The following VPS35L variants were observed in gnomAD, a reference collection of about 807,000 sequenced individuals.
VPS35L encodes the protein VPS35 endosomal protein sorting factor like.
In VPS35L, 83 loss-of-function variants were observed where a neutral mutation model predicts 133.0. The ratio of observed to expected loss-of-function variants is 0.62; its 90% CI spans 0.52 to 0.75. VPS35L has a LOEUF of 0.75. Among genes scored for constraint, VPS35L ranks in the 30% least tolerant of loss-of-function variants. The pLI, the probability that VPS35L is intolerant of heterozygous loss-of-function variation, is 0.00. For synonymous variants in VPS35L, 423 were observed against 449.9 expected, an observed-to-expected ratio of 0.94 and a Z score of 0.76; for missense variants, 1,083 against 1,206.8, an observed-to-expected ratio of 0.90 and a Z score of 1.52.
intron 30 of VPS35L, among the ~76,000 whole-genome samples, chr16:19,700,109 C>T (rs1194095831): frequency 6.6e-6 from 1 of 152,162 alleles, no homozygotes; most frequent in African/African-American, 2.4e-5. Context: ...AAACAAAGAA[C>T]AAAAGCATAG....
chr16:19,624,641 T>C (rs983909955), intron 14 of VPS35L, among the ~76,000 whole-genome samples: 1 of 151,824 alleles, frequency 6.6e-6, no homozygotes, highest in Non-Finnish European at 1.5e-5. Context: ...AGATGGGATC[T>C]CACTATATTG....
intron 2 of VPS35L, 69 bp from the exon 3 acceptor site, chr16:19,569,355 A>G: frequency 6.5e-7 from 1 of 1,539,346 alleles, no homozygotes; most frequent in Non-Finnish European, 9.0e-7. Context: ...GGAGGAAAGT[A>G]CCCACTGGAG....
At chr16:19,671,669 A>G (rs1427702841) in intron 27 of VPS35L, among the ~76,000 whole-genome samples, 2 of 148,032 alleles carry the variant, frequency 1.4e-5, no homozygotes, top group Non-Finnish European at 3.0e-5. Flanking sequence ...CTCAGCTACC[A>G]GGGAGGCTGC....
At chr16:19,565,570 C>T (rs914198024) in intron 2 of VPS35L, among the ~76,000 whole-genome samples, 1 of 152,198 alleles carries the variant, frequency 6.6e-6, no homozygotes, top group African/African-American at 2.4e-5. Context: ...CCAGGCTGGT[C>T]TCGAACCCTT....
At position 19,581,582 on chromosome 16, in the gene VPS35L, G is replaced by A; in HGVS notation, c.568G>A (p.Glu190Lys). The change falls in exon 7 of 31, where the codon GAG becomes AAG. Residue 190 changes from glutamate to lysine, a missense_variant. Transcript: ENST00000417362. ...GCAGGATTACGTGAACCGCATAGAG[G>A]AGCTCAACCAATCGCTGAAGGATGC... is the stretch of plus-strand genomic sequence containing the variant. ...TQQDYVNRIE[E>K]LNQSLKDAWA... 6.2e-7 allele frequency: 1 copy of A among 1,614,026 alleles called. No individual in the cohort carries two copies. The highest frequency in any genetic ancestry group is 2.2e-5 in the East Asian group (1 of 44,870).
At chr16:19,580,953 C>T (rs555241107) in intron 6 of VPS35L, among the ~76,000 whole-genome samples, 14 of 152,202 alleles carry the variant, frequency 9.2e-5, no homozygotes, top group South Asian at 8.3e-4. Flanking sequence ...GAAACAGTTG[C>T]GCTTTTTTCA....
intron 3 of VPS35L, among the ~76,000 whole-genome samples, chr16:19,571,364 G>A (rs757075159): frequency 9.2e-5 from 14 of 151,910 alleles, no homozygotes; most frequent in Non-Finnish European, 1.8e-4. Context: ...CTTCAGGTGT[G>A]TGCCACCGCA....
intron 2 of VPS35L, chr16:19,569,192 A>G (rs1299435355): frequency 1.5e-6 from 1 of 684,404 alleles, no homozygotes; most frequent in Non-Finnish European, 2.7e-6. Context: ...CCTCTCAATT[A>G]ATTTTTTTAA....
intron 25 of VPS35L, among the ~76,000 whole-genome samples, chr16:19,651,739 C>T (rs72767590): frequency 0.093 from 14,111 of 152,146 alleles, 837 homozygotes; most frequent in Non-Finnish European, 0.12. Context: ...TACGTATTTA[C>T]TTCCCGTGAT....
chr16:19,691,686 C>T (rs956921199), intron 29 of VPS35L, among the ~76,000 whole-genome samples: 4 of 152,126 alleles, frequency 2.6e-5, no homozygotes, highest in Non-Finnish European at 5.9e-5. Flanking sequence ...TGTTCCTTCT[C>T]GTCATTGAAA....
Position 19,584,535 on chromosome 16 carries a change from G to A in VPS35L, c.639+2882G>A, listed in dbSNP as rs1055949799. On this transcript the variant is annotated intron_variant, in intron 7 of 30. Transcript: ENST00000417362. ...TCAGCTACTTGGGAAGCTGAGGCAG[G>A]AGAATCGCTTGAACCCAGGAGGCAG... 3.3e-5 allele frequency among the ~76,000 whole-genome samples: 5 copies of A among 151,004 alleles called. No individual in the cohort carries two copies. In the Admixed American group the frequency reaches 3.3e-4, roughly 10 times the overall value.
chr16:19,633,545 C>T lies in VPS35L; in HGVS notation c.1635+373C>T, dbSNP rs1973525744. 6.6e-6 allele frequency among the ~76,000 whole-genome samples: 1 copy of T among 152,120 alleles called. No individual in the cohort carries two copies. Among genetic ancestry groups the T allele is most frequent in the Non-Finnish European group, 1.5e-5 (1 of 68,028 alleles). Reference sequence around the variant, plus strand: ...TTTTCCTTTTTTTTTGAAACAGGGTCTCGCTCAGTCACGGAGGCTGGAGTG... The same window carrying T: ...TTTTCCTTTTTTTTTGAAACAGGGTTTCGCTCAGTCACGGAGGCTGGAGTG... On this transcript the variant is annotated intron_variant, in intron 19 of 30. Coordinates refer to ENST00000417362, the MANE Select transcript of VPS35L (RefSeq NM_020314.7). The surrounding 1 kb of genome is among the most constrained non-coding windows in gnomAD (Gnocchi z 4.1).
intron 14 of VPS35L, 46 bp downstream of exon 14, chr16:19,616,854 G>A (rs763377865): frequency 4.2e-5 from 68 of 1,613,424 alleles, no homozygotes; most frequent in South Asian, 3.5e-4. Flanking sequence ...CCTGTATGGT[G>A]ACAGCCCCTG....
intron 12 of VPS35L, among the ~76,000 whole-genome samples, chr16:19,610,699 G>A (rs563772745): frequency 1.3e-5 from 2 of 152,272 alleles, no homozygotes; most frequent in South Asian, 4.1e-4. Context: ...CTCAGTTCTT[G>A]CTGGGAAGGA....
chr16:19,629,042 C>T (rs531268670), intron 17 of VPS35L, among the ~76,000 whole-genome samples: 57 of 152,326 alleles, frequency 3.7e-4, no homozygotes, highest in South Asian at 2.1e-3. Context: ...TCTCAAAATG[C>T]TGGGATTACA....
rs184994227 is a variant in VPS35L, at chr16:19,615,180, A to G, written c.1024-934A>G. The stretch of plus-strand genomic sequence containing the variant: ...TGTTTATCATTTTTTTATTGTATGC[A>G]CAATCTTGAGAGTACATTCCTTTTT... On this transcript the variant is annotated intron_variant, in intron 12 of 30. Coordinates refer to ENST00000417362, the MANE Select transcript of VPS35L (RefSeq NM_020314.7). Among the ~76,000 whole-genome samples, 809 of 152,258 alleles carry G rather than the reference A, an allele frequency of 5.3e-3. 5 individuals carry two copies. The highest frequency in any genetic ancestry group is 0.018 in the African/African-American group (767 of 41,542).
intron 2 of VPS35L, among the ~76,000 whole-genome samples, chr16:19,565,373 C>T (rs1208865151): frequency 1.4e-5 from 2 of 147,610 alleles, no homozygotes; most frequent in African/African-American, 5.0e-5. Context: ...GATGGAGTTT[C>T]ACTTTGTAGC....
At chr16:19,677,850 G>A (rs1178550214) in intron 27 of VPS35L, among the ~76,000 whole-genome samples, 2 of 152,100 alleles carry the variant, frequency 1.3e-5, no homozygotes, top group Admixed American at 6.6e-5. Flanking sequence ...CTGTGTTCTG[G>A]TTCCTTTTCT....
intron 26 of VPS35L, among the ~76,000 whole-genome samples, chr16:19,664,174 G>C (rs1473536298): frequency 6.6e-6 from 1 of 152,108 alleles, no homozygotes; most frequent in Non-Finnish European, 1.5e-5. Context: ...CATATTTTTA[G>C]CAAGGACCCC....
Sources: allele counts gnomAD v4.1 joint callset (sites outside exome capture counted in the v4.1 genomes callset), GRCh38; gene constraint gnomAD v4.1.1; non-coding constraint Gnocchi (gnomAD v3.1); transcripts MANE v1.5; gene names NCBI Gene and HGNC (gene_info 2026-07-23, HGNC 2026-07-21).